The following BMPER variants were observed in gnomAD, a reference collection of about 807,000 sequenced individuals.
BMPER encodes BMP binding endothelial regulator, also known as BMP-binding endothelial regulator protein.
BMPER carries 45 observed loss-of-function variants against 87.3 expected under a neutral mutation model. The observed-to-expected ratio is 0.52, with a 90% CI of 0.41 to 0.66. The LOEUF is 0.66. BMPER is among the 30% of genes least tolerant of loss of function. The probability of loss-of-function intolerance (pLI) is 0.00; values close to 1 mark genes in which losing one functional copy is unlikely to be tolerated. For synonymous variants in BMPER, 326 were observed against 316.2 expected (o/e 1.03, Z -0.33); for missense variants, 784 against 867.5 (o/e 0.90, Z 1.21).
At chr7:34,053,318 C>A (rs1788193880) in intron 8 of BMPER, among the ~76,000 whole-genome samples, 1 of 152,162 alleles carries the variant, frequency 6.6e-6, no homozygotes, top group Admixed American at 6.5e-5. Flanking sequence ...TATTTTCTGT[C>A]TGCTTTGAGC....
chr7:34,081,931 C>G (rs771488217), intron 12 of BMPER, among the ~76,000 whole-genome samples: 24 of 152,240 alleles, frequency 1.6e-4, no homozygotes, highest in Admixed American at 2.6e-4. Context: ...CAATAACAAC[C>G]AGGAAACAAA....
chr7:33,978,407 C>T (rs531972946), intron 6 of BMPER, among the ~76,000 whole-genome samples: 33 of 152,320 alleles, frequency 2.2e-4, no homozygotes, highest in Non-Finnish European at 4.6e-4. Flanking sequence ...ACTTTGACAC[C>T]ATGTGAGCTA....
chr7:34,113,497 A>T (rs1790034614), intron 13 of BMPER, among the ~76,000 whole-genome samples: 1 of 139,054 alleles, frequency 7.2e-6, no homozygotes, highest in Non-Finnish European at 1.6e-5. Context: ...TTAAATCTTT[A>T]ATCTATCTGG....
chr7:34,098,701 C>G (rs1287703907), intron 13 of BMPER, among the ~76,000 whole-genome samples: 4 of 152,036 alleles, frequency 2.6e-5, no homozygotes, highest in African/African-American at 7.2e-5. Context: ...CTTTCAGAAC[C>G]CCTGAAAGCT....
chr7:33,961,158 A>G (rs1785261853), intron 3 of BMPER, among the ~76,000 whole-genome samples: 1 of 152,184 alleles, frequency 6.6e-6, no homozygotes, highest in Non-Finnish European at 1.5e-5. Flanking sequence ...GGAGAATTCT[A>G]AGTACAGCTT....
At chr7:34,126,621 T>A (rs968563631) in intron 13 of BMPER, among the ~76,000 whole-genome samples, 4 of 152,216 alleles carry the variant, frequency 2.6e-5, no homozygotes, top group Non-Finnish European at 5.9e-5. Context: ...ACTTTTCCTA[T>A]TGAGTCTTAA....
chr7:33,929,847 A>G (rs1784440873), intron 2 of BMPER, among the ~76,000 whole-genome samples: 1 of 152,250 alleles, frequency 6.6e-6, no homozygotes, highest in Non-Finnish European at 1.5e-5. Flanking sequence ...TAGATTTCCT[A>G]TAAATGTCAG....
At chr7:34,123,661 G>A (rs1447747854) in intron 13 of BMPER, among the ~76,000 whole-genome samples, 2 of 152,184 alleles carry the variant, frequency 1.3e-5, no homozygotes, top group African/African-American at 4.8e-5. Flanking sequence ...CTCAGTCTGA[G>A]CCAAATTCAT....
intron 13 of BMPER, among the ~76,000 whole-genome samples, chr7:34,130,115 T>A (rs1790543811): frequency 6.6e-6 from 1 of 152,160 alleles, no homozygotes; most frequent in Admixed American, 6.5e-5. Flanking sequence ...TCCATCTCTT[T>A]AGCTTCAGCA....
At chr7:34,078,269 A>C (rs1013182969) in intron 11 of BMPER, among the ~76,000 whole-genome samples, 1 of 152,166 alleles carries the variant, frequency 6.6e-6, no homozygotes, top group Admixed American at 6.5e-5. Flanking sequence ...TATAAAGACT[A>C]TCTGTAAATA....
chr7:34,055,110 T>C, intron 8 of BMPER, 53 bp from the exon 9 acceptor site: 1 of 1,613,132 alleles, frequency 6.2e-7, no homozygotes, highest in East Asian at 2.2e-5. Flanking sequence ...AGGTAGGATG[T>C]TTGGTAGAGG....
intron 6 of BMPER, among the ~76,000 whole-genome samples, chr7:33,979,274 C>T (rs1276196774): frequency 6.6e-6 from 1 of 151,604 alleles, no homozygotes; most frequent in Non-Finnish European, 1.5e-5. Flanking sequence ...TGCTGCTACC[C>T]TGTTTGTAAT....
intron 12 of BMPER, among the ~76,000 whole-genome samples, chr7:34,082,358 T>C (rs1343647607): frequency 1.4e-5 from 2 of 140,464 alleles, no homozygotes; most frequent in African/African-American, 2.7e-5. Flanking sequence ...GGTCTTTCAC[T>C]ACTGTAATCT....
chr7:34,152,973 G>A, intron 14 of BMPER, 119 bp from the exon 15 acceptor site: 1 of 1,158,440 alleles, frequency 8.6e-7, no homozygotes, highest in Non-Finnish European at 1.3e-6. Context: ...ATGCAAATGT[G>A]ATCCTGAGCT....
intron 6 of BMPER, among the ~76,000 whole-genome samples, chr7:34,026,814 T>C (rs1787365718): frequency 1.3e-5 from 2 of 152,138 alleles, no homozygotes; most frequent in African/African-American, 4.8e-5. Context: ...GCTTTATTTC[T>C]ATCTACTGAA....
chr7:34,058,008 A>C, intron 9 of BMPER, 51 bp from the exon 10 acceptor site: 2 of 1,547,378 alleles, frequency 1.3e-6, no homozygotes, highest in Non-Finnish European at 1.8e-6. Context: ...CTGTTGCCTC[A>C]ACTCCTGTCA....
chr7:33,984,030 C>G (rs1785931901), intron 6 of BMPER, among the ~76,000 whole-genome samples: 1 of 152,182 alleles, frequency 6.6e-6, no homozygotes, highest in Non-Finnish European at 1.5e-5. Context: ...GAACACATAT[C>G]TGTTATCCTC....
intron 12 of BMPER, among the ~76,000 whole-genome samples, chr7:34,080,955 T>C (rs1458881033): frequency 1.3e-5 from 2 of 152,336 alleles, no homozygotes; most frequent in East Asian, 1.9e-4. Flanking sequence ...ATTAGATTAG[T>C]GAATTTAACT....
At chr7:33,968,813 A>G (rs934680733) in intron 4 of BMPER, among the ~76,000 whole-genome samples, 3 of 152,018 alleles carry the variant, frequency 2.0e-5, no homozygotes, top group Non-Finnish European at 1.5e-5. Context: ...ATTTACCTTT[A>G]TTTTCCTGCT....
Sources: allele counts gnomAD v4.1 joint callset (sites outside exome capture counted in the v4.1 genomes callset), GRCh38; gene constraint gnomAD v4.1.1; transcripts MANE v1.5; gene names NCBI Gene and HGNC (gene_info 2026-07-23, HGNC 2026-07-21).